TLE3: variants seen among roughly 807,000 people sequenced by gnomAD.
TLE3 encodes transducin-like enhancer protein 3.
A neutral mutation model predicts 93.0 loss-of-function variants in TLE3; 14 were observed. The ratio of observed to expected loss-of-function variants is 0.15; its 90% CI spans 0.10 to 0.24. TLE3 has a LOEUF of 0.24. Among genes scored for constraint, TLE3 ranks in the 10% least tolerant of loss-of-function variants. The pLI, the probability that TLE3 is intolerant of heterozygous loss-of-function variation, is 1.00. For missense variants in TLE3, 693 were observed against 1,046.6 expected (o/e 0.66, Z 4.66); for synonymous variants, 451 against 425.0 (o/e 1.06, Z -0.75).
At position 70,058,101 on chromosome 15, in the gene TLE3, G is replaced by A. The variant is rs1336030478; in HGVS notation, c.1051+58C>T. ...TGTGTGTCACCCCTGCCCTGGCCAA[G>A]AGCAGACCCCCTCCCCCCAATCAGA... is the stretch of plus-strand genomic sequence containing the variant. On this transcript the variant is annotated intron_variant, in intron 12 of 19. Coordinates refer to ENST00000451782, the MANE Select transcript of TLE3 (RefSeq NM_001105192.3). The surrounding 1 kb of genome is among the most constrained non-coding windows in gnomAD (Gnocchi z 4.1). 1 of 1,612,030 alleles carries A rather than the reference G, an allele frequency of 6.2e-7. No homozygotes were observed. Among genetic ancestry groups the A allele is most frequent in the Non-Finnish European group, 8.5e-7 (1 of 1,178,994 alleles).
At position 70,095,564 on chromosome 15, in the gene TLE3, C is replaced by T. The variant is rs1460169514; in HGVS notation, c.189+14G>A. The stretch of plus-strand genomic sequence containing the variant: ...GCGCCCCAACCGCCCCCCAGGCCCG[C>T]GGCCGCATCTCACCATCACATAATG... On this transcript the variant is annotated intron_variant, in intron 3 of 19. Transcript: ENST00000451782. 2.1e-5 allele frequency: 33 copies of T among 1,550,038 alleles called. No homozygotes were observed. In the Admixed American group the frequency reaches 5.5e-4, roughly 26 times the overall value.
Position 70,095,650 on chromosome 15 carries a change from G to T in TLE3, c.126-9C>A, listed in dbSNP as rs1333887433. 6.4e-7 allele frequency: 1 copy of T among 1,551,386 alleles called. No homozygotes were observed. Among genetic ancestry groups the T allele is most frequent in the Non-Finnish European group, 8.7e-7 (1 of 1,146,860 alleles). ...CGTACTCCACTTTGAGGCTGCGAGGGCAGGAGGAGCCGGCTCAGGCGTGGC... is the reference window on the plus strand; with the variant it reads ...CGTACTCCACTTTGAGGCTGCGAGGTCAGGAGGAGCCGGCTCAGGCGTGGC... On this transcript the variant is annotated splice_polypyrimidine_tract_variant and intron_variant, in intron 2 of 19. Transcript: ENST00000451782.
At chr15:70,091,240 G>A (rs936189133) in intron 4 of TLE3, among the ~76,000 whole-genome samples, 1 of 152,258 alleles carries the variant, frequency 6.6e-6, no homozygotes, top group Non-Finnish European at 1.5e-5. Context: ...GCACGACACT[G>A]CCCCAAAATC....
In TLE3 at chr15:70,059,399, C is replaced by T. The variant is rs200292333; in HGVS notation, c.765+11G>A. The T allele has an allele frequency of 1.4e-3, 2,309 of 1,608,192 alleles. 1 individual carries two copies. Among genetic ancestry groups the T allele is most frequent in the Non-Finnish European group, 1.8e-3 (2,172 of 1,177,250 alleles). On this transcript the variant is annotated intron_variant, in intron 10 of 19. Transcript: ENST00000451782. ...AACCAAGAGCCCCCTTGCGACCGGG[C>T]CTGCCCATACCTCATTGGAAACATC...
intron 6 of TLE3, among the ~76,000 whole-genome samples, chr15:70,073,740 TA>T (rs1002143300): frequency 6.6e-6 from 1 of 152,154 alleles, no homozygotes; most frequent in Admixed American, 6.5e-5. Flanking sequence ...AAAGTCACAC[TA>T]AAAAGACTCT....
chr15:70,068,472 T>C (rs543531012), intron 6 of TLE3, among the ~76,000 whole-genome samples: 2 of 152,348 alleles, frequency 1.3e-5, no homozygotes, highest in African/African-American at 4.8e-5. Flanking sequence ...AAATTGTTGG[T>C]AGGCCCGTTA....
At chr15:70,073,633 A>G (rs2057295570) in intron 6 of TLE3, among the ~76,000 whole-genome samples, 1 of 152,230 alleles carries the variant, frequency 6.6e-6, no homozygotes, top group Non-Finnish European at 1.5e-5. Context: ...ACCGTCCAGA[A>G]GCTCCTCCGT....
chr15:70,089,988 A>G (rs564245590), intron 4 of TLE3, among the ~76,000 whole-genome samples: 5 of 152,326 alleles, frequency 3.3e-5, no homozygotes, highest in African/African-American at 1.2e-4. Context: ...TAAAGTAAGG[A>G]CAAGGGGCCA....
chr15:70,075,607 G>A lies in TLE3; in HGVS notation c.297+489C>T, dbSNP rs2057401853. Among the ~76,000 whole-genome samples the A allele has an allele frequency of 3.3e-5, 5 of 152,276 alleles. No homozygotes were observed. In the South Asian group the frequency reaches 6.2e-4, roughly 19 times the overall value. On this transcript the variant is annotated intron_variant, in intron 5 of 19. Coordinates refer to ENST00000451782, the MANE Select transcript of TLE3 (RefSeq NM_001105192.3). Reference sequence around the variant, plus strand: ...CTAAAGTCGGCCCGTCTGTCTGGTCGGCACCAGGGGGCTTCTTTGCAGGCA... The same window carrying A: ...CTAAAGTCGGCCCGTCTGTCTGGTCAGCACCAGGGGGCTTCTTTGCAGGCA...
At chr15:70,085,920 G>C (rs1477393985) in intron 4 of TLE3, among the ~76,000 whole-genome samples, 4 of 152,230 alleles carry the variant, frequency 2.6e-5, no homozygotes, top group Non-Finnish European at 5.9e-5. Flanking sequence ...ATAAGAACTG[G>C]ACTTCAGCTT....
chr15:70,081,581 G>A (rs1567039634), intron 4 of TLE3, among the ~76,000 whole-genome samples: 2 of 152,242 alleles, frequency 1.3e-5, no homozygotes, highest in Non-Finnish European at 2.9e-5. Flanking sequence ...GGTTGGTGAG[G>A]CTAAGACAAC....
chr15:70,086,612 G>A lies in TLE3; in HGVS notation c.234+7920C>T, dbSNP rs545525560. On this transcript the variant is annotated intron_variant, in intron 4 of 19. Coordinates refer to ENST00000451782, the MANE Select transcript of TLE3 (RefSeq NM_001105192.3). ...TTGAGGAAAGGGTCAGCCTTCCAGC[G>A]CAAACGAAAAAGAAACTTCTATCGG... 4.0e-4 allele frequency among the ~76,000 whole-genome samples: 61 copies of A among 152,222 alleles called. 1 individual carries two copies. The South Asian group carries it at 0.012, about 29-fold the overall frequency.
chr15:70,096,436 C>G (rs1295920349), intron 1 of TLE3, 175 bp from the exon 2 acceptor site: 52 of 1,253,106 alleles, frequency 4.1e-5, no homozygotes, highest in Admixed American at 3.7e-4. Flanking sequence ...CCATCTCTCC[C>G]CGTCGGCAGC....
At chr15:70,063,628 AG>A (rs1259826278) in intron 8 of TLE3, among the ~76,000 whole-genome samples, 8 of 152,252 alleles carry the variant, frequency 5.3e-5, no homozygotes, top group Non-Finnish European at 1.2e-4. Flanking sequence ...CTAACAGATT[AG>A]ATGGCCCCAG....
Position 70,049,737 on chromosome 15 carries a change from C to T in TLE3, c.*360G>A, listed in dbSNP as rs903282867. ...ACATTGTGGTCCACTCCAGCACCCC[C>T]GACCCAAGGTGAGGGACAGGGCAAA... On this transcript the variant is annotated 3_prime_UTR_variant, in exon 20 of 20. Coordinates refer to ENST00000451782, the MANE Select transcript of TLE3 (RefSeq NM_001105192.3). The T allele has an allele frequency of 2.8e-5, 6 of 216,510 alleles. No homozygotes were observed. The highest frequency in any genetic ancestry group is 8.2e-5 in the South Asian group (1 of 12,182). 13.4% of individuals were successfully genotyped at this position (216,510 alleles called of 1,614,324 possible). A position where few individuals can be genotyped will look rare whatever the true frequency, so the allele number is the denominator to read the frequency against.
chr15:70,070,575 C>G (rs1417676011), intron 6 of TLE3, among the ~76,000 whole-genome samples: 1 of 152,182 alleles, frequency 6.6e-6, no homozygotes, highest in Admixed American at 6.5e-5. Flanking sequence ...CAGTGGGCAC[C>G]ATAGCTCCAC....
chr15:70,056,600 C>T (rs542646955), intron 13 of TLE3, among the ~76,000 whole-genome samples: 48 of 152,278 alleles, frequency 3.2e-4, no homozygotes, highest in Non-Finnish European at 6.6e-4. Flanking sequence ...AACCAGCATC[C>T]TCCCTGTTCT....
intron 6 of TLE3, among the ~76,000 whole-genome samples, chr15:70,072,527 G>C (rs540036056): frequency 6.6e-6 from 1 of 152,232 alleles, no homozygotes; most frequent in African/African-American, 2.4e-5. Context: ...ACCAAGCTGA[G>C]AGCTGGTCAC....
rs553709376 is a variant in TLE3, at chr15:70,075,166, A to T, written c.298-559T>A. ...CAGATGAACAGATAGAGAAAGAAAAAGTGGTAAAATGAACCCTAATGTAAA... is the reference window on the plus strand; with the variant it reads ...CAGATGAACAGATAGAGAAAGAAAATGTGGTAAAATGAACCCTAATGTAAA... On this transcript the variant is annotated intron_variant, in intron 5 of 19. Transcript: ENST00000451782. 2.0e-5 allele frequency among the ~76,000 whole-genome samples: 3 copies of T among 152,362 alleles called. No homozygotes were observed. The East Asian group carries it at 5.8e-4, about 29-fold the overall frequency.
Sources: gnomAD v4.1 joint callset for allele counts (sites outside exome capture counted in the v4.1 genomes callset) on GRCh38, gnomAD v4.1.1 for gene constraint, Gnocchi (gnomAD v3.1) non-coding constraint, MANE v1.5 for transcripts, NCBI Gene and HGNC (gene_info 2026-07-23, HGNC 2026-07-21) for gene names.